SYNPO2: variants seen among roughly 807,000 people sequenced by gnomAD.
SYNPO2 encodes the protein synaptopodin 2.
SYNPO2 carries 56 observed loss-of-function variants against 85.0 expected under a neutral mutation model. The ratio of observed to expected loss-of-function variants is 0.66; its 90% confidence interval spans 0.53 to 0.82. The LOEUF (loss-of-function observed/expected upper bound fraction) is 0.82, where lower values mean the gene tolerates loss of function less well. SYNPO2 is among the 40% of genes least tolerant of loss of function. SYNPO2 has a pLI of 0.00. For missense variants in SYNPO2, 1,575 were observed against 1,534.2 expected, an observed-to-expected ratio of 1.03 and a Z score of -0.44; for synonymous variants, 602 against 591.1, an observed-to-expected ratio of 1.02 and a Z score of -0.27.
chr4:119,016,246 AC>A (rs1224483726), intron 1 of SYNPO2, among the ~76,000 whole-genome samples: 13 of 152,042 alleles, frequency 8.6e-5, no homozygotes, highest in African/African-American at 2.9e-4. Flanking sequence ...ACATGGCAAA[AC>A]CCCATCTCTA....
At chr4:118,988,703 G>A (rs1323166549) in intron 1 of SYNPO2, among the ~76,000 whole-genome samples, 3 of 152,136 alleles carry the variant, frequency 2.0e-5, no homozygotes, top group African/African-American at 7.2e-5. Context: ...AGGAGTTTCA[G>A]GTCCAGACAT....
intron 1 of SYNPO2, among the ~76,000 whole-genome samples, chr4:118,948,592 G>C (rs72911225): frequency 1.3e-5 from 2 of 152,260 alleles, no homozygotes; most frequent in African/African-American, 4.8e-5. Flanking sequence ...TCTGCTTCTG[G>C]TGAGGACCTC....
intron 1 of SYNPO2, among the ~76,000 whole-genome samples, chr4:118,931,262 C>G (rs1733922639): frequency 6.6e-6 from 1 of 152,040 alleles, no homozygotes; most frequent in Admixed American, 6.5e-5. Flanking sequence ...TATGACTTGT[C>G]CACATTCACA....
At chr4:118,869,600 G>T (rs4615160) in intron 1 of SYNPO2, among the ~76,000 whole-genome samples, 6 of 151,874 alleles carry the variant, frequency 4.0e-5, no homozygotes, top group East Asian at 3.9e-4. Flanking sequence ...TTGACTGGCC[G>T]TGTTGGAAGT....
intron 1 of SYNPO2, among the ~76,000 whole-genome samples, chr4:118,933,860 G>C (rs1380310718): frequency 2.6e-5 from 2 of 78,058 alleles, no homozygotes; most frequent in Admixed American, 2.0e-4. Context: ...CAGTAACCTT[G>C]CAAGGAGAAA....
chr4:119,013,252 A>G (rs760230008), intron 1 of SYNPO2, among the ~76,000 whole-genome samples: 1 of 152,208 alleles, frequency 6.6e-6, no homozygotes, highest in Non-Finnish European at 1.5e-5. Context: ...CTTAAAAAAC[A>G]TGATGCCAGT....
chr4:118,851,788 C>T (rs1398868604), intron 1 of SYNPO2, among the ~76,000 whole-genome samples: 2 of 152,014 alleles, frequency 1.3e-5, no homozygotes, highest in South Asian at 4.1e-4. Context: ...ATCATAACCA[C>T]CTCTATATTC....
At chr4:118,988,539 G>C (rs1305923269) in intron 1 of SYNPO2, among the ~76,000 whole-genome samples, 2 of 152,130 alleles carry the variant, frequency 1.3e-5, no homozygotes, top group African/African-American at 4.8e-5. Flanking sequence ...TGAAGTTTTG[G>C]AAAGTACATC....
intron 1 of SYNPO2, among the ~76,000 whole-genome samples, chr4:118,968,710 C>CT (rs1194867343): frequency 9.2e-5 from 14 of 152,118 alleles, no homozygotes; most frequent in Non-Finnish European, 4.4e-5. Flanking sequence ...TTTTAAAGAA[C>CT]TTTAAGTATA....
rs200416625 is a variant in SYNPO2 at position 119,057,515 on chromosome 4, G to C, written c.3367G>C (p.Glu1123Gln). ...SYSSKPTDGLEKANKRPTPWE... is the reference protein window; with the variant it reads ...SYSSKPTDGLQKANKRPTPWE... ...CTCTAGTAAACCAACCGATGGACTA[G>C]AGAAAGCAAACAAGAGACCAACTCC... Residue 1123 changes from glutamate to glutamine, a missense_variant, in exon 5 of 5, where the codon GAG becomes CAG. Around this residue, in one of 3 missense-constraint regions of SYNPO2, gnomAD observed 1,508 missense variants for 1,446.8 expected, o/e 1.04. Transcript: ENST00000307142. 1.2e-6 allele frequency: 2 copies of C among 1,613,976 alleles called. No individual in the cohort carries two copies. Among genetic ancestry groups the C allele is most frequent in the African/African-American group, 2.7e-5 (2 of 74,884 alleles).
chr4:119,039,659 C>T (rs1454968922), intron 4 of SYNPO2, among the ~76,000 whole-genome samples: 1 of 152,104 alleles, frequency 6.6e-6, no homozygotes, highest in African/African-American at 2.4e-5. Context: ...CGCTTCCAGC[C>T]AACCAGCATC....
upstream of SYNPO2, among the ~76,000 whole-genome samples, chr4:118,885,818 G>A (rs1261356447): frequency 1.3e-5 from 2 of 152,160 alleles, no homozygotes; most frequent in African/African-American, 4.8e-5. Context: ...GGTTGCATGA[G>A]ATAAGCATCA....
chr4:118,872,726 C>A (rs2110573318), intron 1 of SYNPO2, among the ~76,000 whole-genome samples: 1 of 152,214 alleles, frequency 6.6e-6, no homozygotes, highest in East Asian at 1.9e-4. Context: ...TGAATTCCTT[C>A]CTTCATGAGA....
intron 1 of SYNPO2, among the ~76,000 whole-genome samples, chr4:118,879,603 A>G (rs951050410): frequency 6.6e-6 from 1 of 152,200 alleles, no homozygotes; most frequent in East Asian, 1.9e-4. Flanking sequence ...CCCAGCTGCC[A>G]GACCTGTGGG....
chr4:118,968,306 C>T (rs1735392110), intron 1 of SYNPO2, among the ~76,000 whole-genome samples: 1 of 152,204 alleles, frequency 6.6e-6, no homozygotes, highest in South Asian at 2.1e-4. Context: ...TCATGGGCTC[C>T]AGGCAAATCA....
intron 1 of SYNPO2, among the ~76,000 whole-genome samples, chr4:118,935,911 A>G (rs899739180): frequency 3.9e-5 from 6 of 152,208 alleles, no homozygotes; most frequent in African/African-American, 1.2e-4. Flanking sequence ...AGCAGTCTTC[A>G]TGTTGCGTAG....
intron 1 of SYNPO2, among the ~76,000 whole-genome samples, chr4:119,015,377 A>C (rs1362626207): frequency 6.6e-6 from 1 of 152,218 alleles, no homozygotes; most frequent in Admixed American, 6.5e-5. Context: ...AGTTTTATTT[A>C]TGAGAAAACT....
At chr4:119,015,253 T>C (rs1284764113) in intron 1 of SYNPO2, among the ~76,000 whole-genome samples, 1 of 152,160 alleles carries the variant, frequency 6.6e-6, no homozygotes, top group African/African-American at 2.4e-5. Context: ...AGATCGCCAG[T>C]TTACTAATAA....
intron 1 of SYNPO2, among the ~76,000 whole-genome samples, chr4:118,925,612 A>G (rs1184022054): frequency 6.6e-6 from 1 of 152,144 alleles, no homozygotes; most frequent in East Asian, 1.9e-4. Flanking sequence ...TTCCAGAACA[A>G]CATTCATTAC....
Sources: gnomAD v4.1 joint callset for allele counts (sites outside exome capture counted in the v4.1 genomes callset) on GRCh38, gnomAD v4.1.1 for gene constraint, gnomAD v4.1.1 regional missense constraint, MANE v1.5 for transcripts, NCBI Gene and HGNC (gene_info 2026-07-23, HGNC 2026-07-21) for gene names.